The following KIF1A variants were observed in gnomAD, a reference collection of about 807,000 sequenced individuals.
KIF1A encodes the protein kinesin-like protein KIF1A.
KIF1A carries 46 observed loss-of-function variants against 227.3 expected under a neutral mutation model. The ratio of observed to expected loss-of-function variants is 0.20; its 90% CI spans 0.16 to 0.26. The LOEUF is 0.26. Among genes scored for constraint, KIF1A ranks in the 10% least tolerant of loss-of-function variants. KIF1A has a pLI of 1.00. For synonymous variants in KIF1A, 1,022 were observed against 1,012.8 expected (o/e 1.01, Z -0.17); for missense variants, 1,683 against 2,485.9 (o/e 0.68, Z 6.87).
intron 1 of KIF1A, among the ~76,000 whole-genome samples, chr2:240,809,531 C>G (rs1161553545): frequency 6.6e-6 from 1 of 152,208 alleles, no homozygotes; most frequent in East Asian, 1.9e-4. Flanking sequence ...CACTGGTTGG[C>G]AATATGGAGA....
chr2:240,737,007 G>T, intron 38 of KIF1A, 56 bp downstream of exon 38: 1 of 1,419,028 alleles, frequency 7.0e-7, no homozygotes, highest in Non-Finnish European at 1.0e-6. Flanking sequence ...TTGGCTGAGG[G>T]CCTGGCAGGC....
rs189282597 is a variant in KIF1A at position 240,717,469 on chromosome 2, G to A, written c.5334-63C>T. The A allele has an allele frequency of 2.2e-4, 330 of 1,502,748 alleles. No homozygotes were observed. The African/African-American group carries it at 2.6e-3, about 12-fold the overall frequency. The allele number at this position is 1,502,748 out of a possible 1,614,324, so 93.1% of individuals were successfully genotyped here. On this transcript the variant is annotated intron_variant, in intron 48 of 48. Transcript: ENST00000498729. ...GGAACACCTGCAGGCCATATCCACC[G>A]TGCCCTGCACAGGCAGGCAGCCGTG...
rs2053152908 is a variant in KIF1A, at chr2:240,778,970, C to T, written c.883-3044G>A. ...CCTACACACAGCGCTCCACACGGCTCCTCACGGGTCCCCAACAGCACCTCC... is the reference window on the plus strand; with the variant it reads ...CCTACACACAGCGCTCCACACGGCTTCTCACGGGTCCCCAACAGCACCTCC... On this transcript the variant is annotated intron_variant, in intron 10 of 48. Transcript: ENST00000498729. This position sits in a 1 kb window ranked among gnomAD's most constrained non-coding sequence, Gnocchi z 7.2. Among the ~76,000 whole-genome samples the T allele has an allele frequency of 6.6e-6, 1 of 152,186 alleles. No individual in the cohort carries two copies. Among genetic ancestry groups the T allele is most frequent in the Non-Finnish European group, 1.5e-5 (1 of 68,046 alleles).
rs200855792 is a variant in KIF1A at position 240,725,278 on chromosome 2, A to T, written c.4249T>A (p.Ser1417Thr). ...NLFGSGSLRA[S>T]ESNRVTGVYE... is the part of the protein sequence containing the mutation. ...TCACCCCTGGGAGCTTACCTCTCTGAGGCCCGAAGGCTCCCACTGCCAAAG... is the reference window on the plus strand; with the variant it reads ...TCACCCCTGGGAGCTTACCTCTCTGTGGCCCGAAGGCTCCCACTGCCAAAG... The change falls in exon 40 of 49, where the codon TCA becomes ACA. Residue 1417 changes from serine (S) to threonine (T), a missense_variant. Transcript: ENST00000498729. This position sits in a 1 kb window ranked among gnomAD's most constrained non-coding sequence, Gnocchi z 5.8. The T allele has an allele frequency of 2.7e-5, 44 of 1,601,898 alleles. No individual in the cohort carries two copies. The African/African-American group carries it at 5.5e-4, about 20-fold the overall frequency.
intron 38 of KIF1A, among the ~76,000 whole-genome samples, chr2:240,727,524 TC>T (rs944317512): frequency 6.6e-6 from 1 of 152,160 alleles, no homozygotes; most frequent in Non-Finnish European, 1.5e-5. Context: ...TCACCCTTGG[TC>T]CATTGGGAAG....
At chr2:240,737,017 C>A (rs377537089) in intron 38 of KIF1A, 46 bp downstream of exon 38, 56 of 1,499,040 alleles carry the variant, frequency 3.7e-5, no homozygotes, top group Non-Finnish European at 5.0e-5. Flanking sequence ...GCCTGGCAGG[C>A]TGGGAACATG....
rs1222381839 is a variant in KIF1A at position 240,752,929 on chromosome 2, G to C, written c.2859-2382C>G. ...CGCAGCTCACAGGAAGGAGAGGCTA[G>C]AGCTGTCCAGGGCCACCCAGACAGG... is the stretch of plus-strand genomic sequence containing the variant. On this transcript the variant is annotated intron_variant, in intron 27 of 48. Coordinates refer to ENST00000498729, the MANE Select transcript of KIF1A (RefSeq NM_001244008.2). The surrounding 1 kb of genome is among the most constrained non-coding windows in gnomAD (Gnocchi z 6.4). 3.9e-5 allele frequency among the ~76,000 whole-genome samples: 6 copies of C among 152,152 alleles called. No homozygotes were observed.
chr2:240,787,664 T>A (rs2055118164), intron 4 of KIF1A, among the ~76,000 whole-genome samples: 1 of 152,088 alleles, frequency 6.6e-6, no homozygotes, highest in Admixed American at 6.5e-5. Flanking sequence ...GGACTCAGGG[T>A]TCCTGCAGCA....
chr2:240,797,763 T>C lies in KIF1A; in HGVS notation c.-11A>G. On this transcript the variant is annotated 5_prime_UTR_variant, in exon 2 of 49. Transcript: ENST00000498729. The stretch of plus-strand genomic sequence containing the variant: ...CGAAGCCCCGGCCATCTCTGTGGCC[T>C]TCGTGGGTCACTCCTCGCAGTAGTG... 1.9e-6 allele frequency: 3 copies of C among 1,584,270 alleles called. No homozygotes were observed. Among genetic ancestry groups the C allele is most frequent in the Non-Finnish European group, 2.6e-6 (3 of 1,158,252 alleles).
chr2:240,759,643 G>A (rs933329806), intron 25 of KIF1A, among the ~76,000 whole-genome samples: 6 of 151,980 alleles, frequency 3.9e-5, no homozygotes, highest in Non-Finnish European at 5.9e-5. Context: ...TGCTTCCCAG[G>A]GGCCTGTGAG....
At chr2:240,780,158 C>T (rs548967442) in intron 10 of KIF1A, among the ~76,000 whole-genome samples, 21 of 152,076 alleles carry the variant, frequency 1.4e-4, no homozygotes, top group African/African-American at 4.8e-4. Context: ...CCTGACGCAG[C>T]GTTCACACGG....
Position 240,715,944 on chromosome 2 carries a change from A to G in KIF1A, c.*1420T>C, listed in dbSNP as rs2044556649. On this transcript the variant is annotated 3_prime_UTR_variant, in exon 49 of 49. Coordinates refer to ENST00000498729, the MANE Select transcript of KIF1A (RefSeq NM_001244008.2). ...TTTCCTTGAGCTAAAAAGAGACCAA[A>G]TCGACCTGTGGGTGTGGGTGGGGAG... The G allele has an allele frequency of 6.6e-6, 1 of 152,164 alleles. No individual in the cohort carries two copies. The highest frequency in any genetic ancestry group is 1.5e-5 in the Non-Finnish European group (1 of 68,016). The allele number at this position is 152,164 out of a possible 1,614,324, so 9.4% of individuals were successfully genotyped here. A position where few individuals can be genotyped will look rare whatever the true frequency, so the allele number is the denominator to read the frequency against.
intron 2 of KIF1A, among the ~76,000 whole-genome samples, chr2:240,791,986 T>C (rs553182363): frequency 6.9e-6 from 1 of 144,402 alleles, no homozygotes; most frequent in Non-Finnish European, 1.5e-5. Flanking sequence ...TCCCAGGCCA[T>C]GTATTGTGTC....
Position 240,766,551 on chromosome 2 carries a change from C to T in KIF1A, c.1684+364G>A, listed in dbSNP as rs563891320. 2.0e-5 allele frequency among the ~76,000 whole-genome samples: 3 copies of T among 152,258 alleles called. No homozygotes were observed. The highest frequency in any genetic ancestry group is 2.9e-5 in the Non-Finnish European group (2 of 68,016). On this transcript the variant is annotated intron_variant, in intron 19 of 48. Transcript: ENST00000498729. The surrounding 1 kb of genome is among the most constrained non-coding windows in gnomAD (Gnocchi z 5.0). Reference sequence around the variant, plus strand: ...ACATCCTCCACCCTGGGCCCCAACACGCTTCCCGGCCAGCAGCCCACCTGT... The same window carrying T: ...ACATCCTCCACCCTGGGCCCCAACATGCTTCCCGGCCAGCAGCCCACCTGT...
Position 240,715,532 on chromosome 2 carries a change from G to GCAGC in KIF1A, c.*1828_*1831dup, listed in dbSNP as rs2125543648. ...CTCCCAAACAGGCTGGCCCAGGCAG[G>GCAGC]CAGCCACAGAGACTGCAGCCAGCAT... On this transcript the variant is annotated 3_prime_UTR_variant, in exon 49 of 49. Transcript: ENST00000498729. The GCAGC allele has an allele frequency of 6.6e-6, 1 of 152,402 alleles. No homozygotes were observed. The highest frequency in any genetic ancestry group is 2.1e-4 in the South Asian group (1 of 4,824). 9.4% of individuals were successfully genotyped at this position (152,402 alleles called of 1,614,324 possible).
At chr2:240,746,318 T>C (rs1458212093) in intron 29 of KIF1A, 141 bp from the exon 30 acceptor site, 2 of 971,948 alleles carry the variant, frequency 2.1e-6, no homozygotes, top group Non-Finnish European at 3.0e-6. Context: ...ACCAGACCTG[T>C]GCCTGCCTTG....
In KIF1A at chr2:240,750,541, G is replaced by A. The variant is rs190534883; in HGVS notation, c.2865C>T (p.Phe955=). The change falls in exon 28 of 49, where the codon TTC becomes TTT. Residue 955 remains phenylalanine (F), a synonymous_variant. Transcript: ENST00000498729. ...GGTACAGCAGGTTGCTCAGGTACAC[G>A]AAGGCCCTGGGGAGAAGCAGAGGCG... ...PPLFSLVGRA[F]VYLSNLLYPV... is the part of the protein sequence containing the mutation. 162 of 1,613,024 alleles carry A rather than the reference G, an allele frequency of 1.0e-4. 1 individual carries two copies. The East Asian group carries it at 1.0e-3, about 10-fold the overall frequency.
chr2:240,717,547 G>A (rs1575509562), intron 48 of KIF1A, 141 bp from the exon 49 acceptor site: 1 of 734,430 alleles, frequency 1.4e-6, no homozygotes, highest in East Asian at 2.6e-5. Context: ...ACCTGGGGAA[G>A]GGACTGAATC....
chr2:240,785,268 G>A (rs1166805197), intron 6 of KIF1A, among the ~76,000 whole-genome samples, 168 bp from the exon 7 acceptor site: 1 of 152,206 alleles, frequency 6.6e-6, no homozygotes, highest in Non-Finnish European at 1.5e-5. Flanking sequence ...CAGGACTCCA[G>A]CAGGGCCCAT....
Sources: allele counts gnomAD v4.1 joint callset (sites outside exome capture counted in the v4.1 genomes callset), GRCh38; gene constraint gnomAD v4.1.1; non-coding constraint Gnocchi (gnomAD v3.1); transcripts MANE v1.5; gene names NCBI Gene and HGNC (gene_info 2026-07-23, HGNC 2026-07-21).